Variants in MECOM observed in about 807,000 individuals in gnomAD.
The protein encoded by MECOM is histone-lysine N-methyltransferase MECOM.
MECOM carries 13 observed loss-of-function variants against 116.3 expected under a neutral mutation model. The observed-to-expected ratio is 0.11, with a 90% CI of 0.07 to 0.18. MECOM has a LOEUF of 0.18. Ranked by LOEUF, MECOM falls within the 10% of genes least tolerant of loss-of-function variation. The probability of loss-of-function intolerance (pLI) is 1.00; values close to 1 mark genes in which losing one functional copy is unlikely to be tolerated. For missense variants in MECOM, 1,299 were observed against 1,509.0 expected, an observed-to-expected ratio of 0.86 and a Z score of 2.31; for synonymous variants, 528 against 535.2, an observed-to-expected ratio of 0.99 and a Z score of 0.19.
In MECOM at chr3:169,378,470, CAAGCAAGAAA is replaced by C. The variant is rs1303337340; in HGVS notation, c.375+2707_375+2716del. Among the ~76,000 whole-genome samples the C allele has an allele frequency of 6.2e-3, 204 of 32,798 alleles. 39 individuals are homozygous for C. The highest frequency in any genetic ancestry group is 0.04 in the African/African-American group (188 of 4,728). 21.5% of individuals were successfully genotyped at this position (32,798 alleles called of 152,430 possible). On this transcript the variant is annotated intron_variant, in intron 2 of 16. Transcript: ENST00000651503. ...GAAAGAAGGAAAGCAAGCAAGCAAG[CAAGCAAGAAA>C]GAGAGAGAGAAAGAAAGAAAGAAAG...
intron 1 of MECOM, among the ~76,000 whole-genome samples, chr3:169,632,274 T>C (rs1201166428): frequency 6.6e-6 from 1 of 152,102 alleles, no homozygotes; most frequent in Admixed American, 6.5e-5. Context: ...AGAAATCTCA[T>C]ATCACGTGAG....
intron 2 of MECOM, among the ~76,000 whole-genome samples, chr3:169,284,389 T>C (rs1712822357): frequency 6.6e-6 from 1 of 152,026 alleles, no homozygotes; most frequent in Non-Finnish European, 1.5e-5. Flanking sequence ...GCCTAAGAAG[T>C]CTATTTTTCC....
intron 1 of MECOM, among the ~76,000 whole-genome samples, chr3:169,491,527 A>G (rs907242540): frequency 9.2e-5 from 14 of 152,212 alleles, no homozygotes; most frequent in African/African-American, 3.4e-4. Flanking sequence ...ATAATCAAAC[A>G]TCTTTGAAAT....
At chr3:169,114,683 C>T (rs1036493780) in intron 8 of MECOM, among the ~76,000 whole-genome samples, 1 of 151,974 alleles carries the variant, frequency 6.6e-6, no homozygotes, top group East Asian at 1.9e-4. Context: ...TTAAAGAAAA[C>T]TAGTATTTTA....
At chr3:169,370,340 C>A (rs544954262) in intron 2 of MECOM, among the ~76,000 whole-genome samples, 33 of 151,876 alleles carry the variant, frequency 2.2e-4, no homozygotes, top group Admixed American at 1.6e-3. Flanking sequence ...AAAATTTGAC[C>A]CTTACTTATC....
At chr3:169,093,344 C>T (rs924601963) in intron 13 of MECOM, among the ~76,000 whole-genome samples, 4 of 152,154 alleles carry the variant, frequency 2.6e-5, no homozygotes, top group African/African-American at 9.7e-5. Context: ...AAAGAAGGTG[C>T]TTCTCTCACT....
chr3:169,311,210 C>G (rs909341685), intron 2 of MECOM, among the ~76,000 whole-genome samples: 7 of 152,074 alleles, frequency 4.6e-5, no homozygotes, highest in African/African-American at 9.7e-5. Context: ...AAGTAAATTT[C>G]CAGCTTTGCC....
intron 2 of MECOM, among the ~76,000 whole-genome samples, chr3:169,284,542 C>A (rs1712858840): frequency 6.6e-6 from 1 of 151,990 alleles, no homozygotes; most frequent in Non-Finnish European, 1.5e-5. Flanking sequence ...CCAAGCAATG[C>A]TGACATCCTT....
chr3:169,411,294 G>A lies in MECOM; in HGVS notation c.38-29770C>T, dbSNP rs114294544. On this transcript the variant is annotated intron_variant, in intron 1 of 16. Coordinates refer to ENST00000651503, the MANE Select transcript of MECOM (RefSeq NM_004991.4). ...TTAAGAAAAAGAAGGTCATAAAACC[G>A]AAAGGAAAGATATTGCTCTCTAAAG... Among the ~76,000 whole-genome samples the A allele has an allele frequency of 1.7e-3, 264 of 152,240 alleles. 3 individuals carry two copies. The highest frequency in any genetic ancestry group is 5.1e-3 in the African/African-American group (213 of 41,544).
intron 2 of MECOM, among the ~76,000 whole-genome samples, chr3:169,303,098 C>T (rs1461350084): frequency 6.6e-6 from 1 of 152,058 alleles, no homozygotes; most frequent in Non-Finnish European, 1.5e-5. Context: ...TGAAAAACAC[C>T]ACCAATAAAT....
At chr3:169,584,973 G>A (rs1277414715) in intron 1 of MECOM, among the ~76,000 whole-genome samples, 1 of 152,216 alleles carries the variant, frequency 6.6e-6, no homozygotes, top group Non-Finnish European at 1.5e-5. Flanking sequence ...AGGATCTTAC[G>A]AGAATGATGC....
In MECOM at chr3:169,516,970, C is replaced by T. The variant is rs564352703; in HGVS notation, c.38-135446G>A. ...CATGTGGATGGTAGGAAATCATATA[C>T]TTTGTGGCATGAGCAATAGGAACTT... On this transcript the variant is annotated intron_variant, in intron 1 of 16. Coordinates refer to ENST00000651503, the MANE Select transcript of MECOM (RefSeq NM_004991.4). 8.5e-5 allele frequency among the ~76,000 whole-genome samples: 13 copies of T among 152,288 alleles called. 2 individuals carry two copies. In the South Asian group the frequency reaches 2.3e-3, roughly 27 times the overall value.
At chr3:169,494,293 T>C (rs988922274) in intron 1 of MECOM, among the ~76,000 whole-genome samples, 8 of 152,124 alleles carry the variant, frequency 5.3e-5, no homozygotes, top group African/African-American at 1.7e-4. Flanking sequence ...GTAAACTTAT[T>C]GGTAAAACTA....
chr3:169,539,016 A>G (rs748066396), intron 1 of MECOM, among the ~76,000 whole-genome samples: 1 of 151,790 alleles, frequency 6.6e-6, no homozygotes, highest in Middle Eastern at 3.4e-3. Context: ...TGAAATAAAT[A>G]TTTTATAGAT....
intron 1 of MECOM, chr3:169,483,667 A>T: frequency 1.3e-6 from 2 of 1,531,920 alleles, no homozygotes; most frequent in Non-Finnish European, 1.8e-6. Flanking sequence ...CAGATAAATG[A>T]AATTTAATCC....
chr3:169,493,431 A>G (rs1753369767), intron 1 of MECOM, among the ~76,000 whole-genome samples: 1 of 152,112 alleles, frequency 6.6e-6, no homozygotes, highest in African/African-American at 2.4e-5. Context: ...TAACAAAACC[A>G]CATTGCTGCC....
At chr3:169,501,821 T>C (rs1754576341) in intron 1 of MECOM, among the ~76,000 whole-genome samples, 1 of 152,006 alleles carries the variant, frequency 6.6e-6, no homozygotes, top group African/African-American at 2.4e-5. Context: ...AAAGCTATAC[T>C]CAAGCTTTTA....
At chr3:169,280,903 G>A (rs1171714825) in intron 2 of MECOM, among the ~76,000 whole-genome samples, 1 of 152,168 alleles carries the variant, frequency 6.6e-6, no homozygotes, top group East Asian at 1.9e-4. Flanking sequence ...AAATCGAGAA[G>A]AGAACATATT....
At chr3:169,544,728 G>A (rs1760504635) in intron 1 of MECOM, among the ~76,000 whole-genome samples, 2 of 152,194 alleles carry the variant, frequency 1.3e-5, no homozygotes, top group Non-Finnish European at 2.9e-5. Context: ...CAGGCACATG[G>A]ATGAAACTGG....
Sources: gnomAD v4.1 joint callset for allele counts (sites outside exome capture counted in the v4.1 genomes callset) on GRCh38, gnomAD v4.1.1 for gene constraint, MANE v1.5 for transcripts, NCBI Gene and HGNC (gene_info 2026-07-23, HGNC 2026-07-21) for gene names.